The following GPNMB variants were observed in gnomAD, a reference collection of about 807,000 sequenced individuals.
The protein encoded by GPNMB is transmembrane glycoprotein NMB.
GPNMB carries 71 observed loss-of-function variants against 57.3 expected under a neutral mutation model. The ratio of observed to expected loss-of-function variants is 1.24; its 90% confidence interval spans 1.02 to 1.51. GPNMB has a LOEUF of 1.51. Among genes scored for constraint, GPNMB ranks in the 40% most tolerant of loss-of-function variants. The pLI is 0.00. For synonymous variants in GPNMB, 253 were observed against 263.2 expected, an observed-to-expected ratio of 0.96 and a Z score of 0.38; for missense variants, 677 against 691.9, an observed-to-expected ratio of 0.98 and a Z score of 0.24.
chr7:23,273,181 GTAGA>G, intron 9 of GPNMB: 1 of 213,740 alleles, frequency 4.7e-6, no homozygotes, highest in South Asian at 1.0e-4. Context: ...TAGAAGGTAA[GTAGA>G]GAGAGAGGAA....
In GPNMB at chr7:23,273,538, A is replaced by G; in HGVS notation, c.1447A>G (p.Arg483Gly). The G allele has an allele frequency of 2.5e-6, 4 of 1,613,326 alleles. No homozygotes were observed. In the South Asian group the frequency reaches 4.4e-5, roughly 18 times the overall value. Reference protein sequence around the residue: ...VPDRDPASPLRMANSALISVG... With the variant: ...VPDRDPASPLGMANSALISVG... ...GTTTTAAGACCCAGCCTCGCCTTTAAGGATGGCAAACAGTGCCCTGATCTC... is the reference window on the plus strand; with the variant it reads ...GTTTTAAGACCCAGCCTCGCCTTTAGGGATGGCAAACAGTGCCCTGATCTC... Residue 483 changes from arginine to glycine, a missense_variant, in exon 10 of 11, where the codon AGG (arginine) becomes GGG (glycine). By Grantham distance (125) the Arg-to-Gly change is moderately radical (BLOSUM62 -2). Transcript: ENST00000258733.
At chr7:23,256,582 T>A (rs1331632197) in intron 3 of GPNMB, among the ~76,000 whole-genome samples, 3 of 152,144 alleles carry the variant, frequency 2.0e-5, no homozygotes, top group African/African-American at 7.2e-5. Context: ...AGATAAAGTA[T>A]CTCTGATTTG....
intron 6 of GPNMB, among the ~76,000 whole-genome samples, chr7:23,265,378 G>T (rs890571970): frequency 1.3e-5 from 2 of 152,176 alleles, no homozygotes; most frequent in African/African-American, 4.8e-5. Flanking sequence ...AAAGAAGATT[G>T]TATTTTCAGT....
chr7:23,253,199 G>A, intron 1 of GPNMB, 108 bp from the exon 2 acceptor site: 1 of 910,922 alleles, frequency 1.1e-6, no homozygotes, highest in Non-Finnish European at 1.7e-6. Context: ...TTGATGCACT[G>A]AATATATTAT....
chr7:23,261,392 C>G (rs1457625764), intron 6 of GPNMB, among the ~76,000 whole-genome samples: 1 of 152,096 alleles, frequency 6.6e-6, no homozygotes, highest in African/African-American at 2.4e-5. Context: ...AAATGTCCAT[C>G]AATGATAGAC....
chr7:23,252,863 A>G (rs1782690633), intron 1 of GPNMB, among the ~76,000 whole-genome samples: 1 of 152,238 alleles, frequency 6.6e-6, no homozygotes, highest in Non-Finnish European at 1.5e-5. Flanking sequence ...GTTTATCAGT[A>G]AACTTCCTGG....
Position 23,274,248 on chromosome 7 carries a change from C to T in GPNMB, c.*24C>T. 1 of 1,585,384 alleles carries T rather than the reference C, an allele frequency of 6.3e-7. No homozygotes were observed. Among genetic ancestry groups the T allele is most frequent in the South Asian group, 1.1e-5 (1 of 90,068 alleles). ...AAATTTCGACCTTGTTTCTGAAGCT[C>T]ACTTTTCAGTGCCATTGATGTGAGA... On this transcript the variant is annotated 3_prime_UTR_variant, in exon 11 of 11. Coordinates refer to ENST00000258733, the MANE Select transcript of GPNMB (RefSeq NM_002510.3).
chr7:23,254,936 C>T (rs1445884687), intron 3 of GPNMB, among the ~76,000 whole-genome samples: 1 of 152,044 alleles, frequency 6.6e-6, no homozygotes, highest in Admixed American at 6.5e-5. Context: ...TTTGAGAGGC[C>T]GAGGCAGGTG....
rs150305129 is a variant in GPNMB at position 23,260,508 on chromosome 7, C to A, written c.753C>A (p.Ser251=). The change falls in exon 6 of 11, where the codon TCC becomes TCA. Residue 251 remains serine, a synonymous_variant. Transcript: ENST00000258733. ...TCCAGAAGAACGATCGAAATTCATC[C>A]GACGAAACCTTCCTCAAAGATCTCC... The part of the protein sequence containing the change: ...TMFQKNDRNS[S]DETFLKDLPI... 1 of 1,613,546 alleles carries A rather than the reference C, an allele frequency of 6.2e-7. No individual in the cohort carries two copies. The highest frequency in any genetic ancestry group is 8.5e-7 in the Non-Finnish European group (1 of 1,179,624).
In GPNMB at chr7:23,274,148, C is replaced by T; in HGVS notation, c.1607C>T (p.Ala536Val). The T allele has an allele frequency of 3.1e-6, 5 of 1,613,616 alleles. No individual in the cohort carries two copies. The highest frequency in any genetic ancestry group is 1.1e-5 in the South Asian group (1 of 91,062). ...SKGLSVFLNRAKAVFFPGNQE... is the reference protein window; with the variant it reads ...SKGLSVFLNRVKAVFFPGNQE... The stretch of plus-strand genomic sequence containing the variant: ...GGCCTGAGTGTCTTTCTCAACCGTG[C>T]AAAAGCCGTGTTCTTCCCGGGAAAC... Residue 536 changes from alanine to valine, a missense_variant, in exon 11 of 11, where the codon GCA becomes GTA. Coordinates refer to ENST00000258733, the MANE Select transcript of GPNMB (RefSeq NM_002510.3).
chr7:23,246,883 G>C lies in GPNMB; in HGVS notation c.26G>C (p.Gly9Ala). MECLYYFLGFLLLAARLPL... is the reference protein window; with the variant it reads MECLYYFLAFLLLAARLPL... ...ATGGAATGTCTCTACTATTTCCTGG[G>C]ATTTCTGCTCCTGGCTGCAAGATTG... Residue 9 changes from glycine to alanine, a missense_variant, in exon 1 of 11, where the codon GGA (glycine) becomes GCA (alanine). Coordinates refer to ENST00000258733, the MANE Select transcript of GPNMB (RefSeq NM_002510.3). 1 of 1,613,940 alleles carries C rather than the reference G, an allele frequency of 6.2e-7. No individual in the cohort carries two copies. The highest frequency in any genetic ancestry group is 8.5e-7 in the Non-Finnish European group (1 of 1,179,886).
chr7:23,250,121 C>T (rs1172593691), intron 1 of GPNMB, among the ~76,000 whole-genome samples: 1 of 151,888 alleles, frequency 6.6e-6, no homozygotes, highest in African/African-American at 2.4e-5. Context: ...TAATTGAATC[C>T]CGTGGTTTTC....
At chr7:23,255,791 C>A (rs1048042045) in intron 3 of GPNMB, among the ~76,000 whole-genome samples, 1 of 152,052 alleles carries the variant, frequency 6.6e-6, no homozygotes, top group Non-Finnish European at 1.5e-5. Context: ...CTGGGCTATG[C>A]GTGTTATTTT....
chr7:23,272,669 T>C (rs1024088802), intron 9 of GPNMB, among the ~76,000 whole-genome samples: 1 of 152,184 alleles, frequency 6.6e-6, no homozygotes, highest in African/African-American at 2.4e-5. Flanking sequence ...ATCGATTCAA[T>C]GGATATTCAT....
chr7:23,270,215 C>T, intron 9 of GPNMB, 40 bp downstream of exon 9: 1 of 1,370,622 alleles, frequency 7.3e-7, no homozygotes, highest in Non-Finnish European at 1.0e-6. Flanking sequence ...TTTCATACTG[C>T]AAGTAAAGTG....
At chr7:23,251,488 T>G (rs1327066682) in intron 1 of GPNMB, among the ~76,000 whole-genome samples, 1 of 152,220 alleles carries the variant, frequency 6.6e-6, no homozygotes, top group Non-Finnish European at 1.5e-5. Flanking sequence ...TTAAGACATT[T>G]ATTATCTTAG....
intron 2 of GPNMB, 66 bp from the exon 3 acceptor site, chr7:23,254,103 T>A: frequency 6.7e-7 from 1 of 1,495,606 alleles, no homozygotes; most frequent in Non-Finnish European, 9.0e-7. Context: ...TAAAGTTAGC[T>A]CTAAATGTTT....
rs1357023803 is a variant in GPNMB, at chr7:23,259,976, A to G, written c.542-4A>G. The G allele has an allele frequency of 6.2e-7, 1 of 1,614,004 alleles. No homozygotes were observed. The highest frequency in any genetic ancestry group is 1.1e-5 in the South Asian group (1 of 91,066). ...AATAACTAAAAATTTCCATCCTCCC[A>G]AAGGTCAGTATTTCCAGAAATTGGG... On this transcript the variant is annotated splice_region_variant and splice_polypyrimidine_tract_variant and intron_variant, in intron 4 of 10. Coordinates refer to ENST00000258733, the MANE Select transcript of GPNMB (RefSeq NM_002510.3).
chr7:23,257,264 A>C (rs1782805148), intron 4 of GPNMB, 199 bp downstream of exon 4: 4 of 608,138 alleles, frequency 6.6e-6, no homozygotes, highest in Non-Finnish European at 1.2e-5. Flanking sequence ...GACACCGAAG[A>C]GTTAAAAAGA....
Sources: gnomAD v4.1 joint callset for allele counts (sites outside exome capture counted in the v4.1 genomes callset) on GRCh38, gnomAD v4.1.1 for gene constraint, MANE v1.5 for transcripts, NCBI Gene and HGNC (gene_info 2026-07-23, HGNC 2026-07-21) for gene names.